Variants in CECR2 observed in about 807,000 individuals in gnomAD.
CECR2 encodes chromatin remodeling regulator CECR2.
In CECR2, 30 loss-of-function variants were observed where a neutral mutation model predicts 154.5. The observed-to-expected ratio is 0.19, with a 90% confidence interval of 0.15 to 0.26. The LOEUF (loss-of-function observed/expected upper bound fraction) is 0.26, where lower values mean the gene tolerates loss of function less well. CECR2 is among the 10% of genes least tolerant of loss of function. The probability of loss-of-function intolerance (pLI) is 1.00; values close to 1 mark genes in which losing one functional copy is unlikely to be tolerated. For missense variants in CECR2, 1,743 were observed against 1,829.3 expected, an observed-to-expected ratio of 0.95 and a Z score of 0.86; for synonymous variants, 725 against 683.7, an observed-to-expected ratio of 1.06 and a Z score of -0.94.
intron 14 of CECR2, 96 bp downstream of exon 14, chr22:17,540,896 AC>A: frequency 1.6e-6 from 2 of 1,287,390 alleles, no homozygotes; most frequent in Non-Finnish European, 2.1e-6. Context: ...CAAAATACTT[AC>A]GTGTATGTAT....
intron 1 of CECR2, among the ~76,000 whole-genome samples, chr22:17,451,467 G>A (rs1027398539): frequency 2.6e-5 from 4 of 152,154 alleles, no homozygotes; most frequent in Non-Finnish European, 5.9e-5. Context: ...GCTAGGACGA[G>A]ATTGCAATCT....
chr22:17,421,397 C>T (rs906851318), intron 1 of CECR2, among the ~76,000 whole-genome samples: 3 of 151,816 alleles, frequency 2.0e-5, no homozygotes, highest in Non-Finnish European at 2.9e-5. Context: ...GGGCGGATCA[C>T]GAGGTCAGGA....
At chr22:17,449,676 C>T (rs9605298) in intron 1 of CECR2, among the ~76,000 whole-genome samples, 4 of 151,342 alleles carry the variant, frequency 2.6e-5, no homozygotes, top group East Asian at 2.0e-4. Context: ...TTTTTAGTGG[C>T]GACGGGGTTT....
intron 1 of CECR2, among the ~76,000 whole-genome samples, chr22:17,375,732 G>A (rs1190737357): frequency 6.6e-6 from 1 of 151,932 alleles, no homozygotes; most frequent in Non-Finnish European, 1.5e-5. Context: ...CGAGGCGGGC[G>A]GATCATGAGG....
intron 1 of CECR2, among the ~76,000 whole-genome samples, chr22:17,429,550 ACAAAAACAAAG>A (rs941549273): frequency 7.1e-6 from 1 of 139,986 alleles, no homozygotes; most frequent in African/African-American, 3.0e-5. Flanking sequence ...AAAAACAAAA[ACAAAAACAAAG>A]AAAAGAAAAG....
intron 1 of CECR2, among the ~76,000 whole-genome samples, chr22:17,442,944 A>T (rs1430025455): frequency 4.6e-5 from 7 of 152,162 alleles, no homozygotes; most frequent in Non-Finnish European, 8.8e-5. Context: ...GGCATTTTGC[A>T]TTTGCAGTTG....
chr22:17,513,363 AC>A (rs2055994294), intron 8 of CECR2, among the ~76,000 whole-genome samples: 1 of 152,208 alleles, frequency 6.6e-6, no homozygotes, highest in Admixed American at 6.5e-5. Context: ...TTGAATTGTT[AC>A]GTTACGGAGC....
intron 1 of CECR2, among the ~76,000 whole-genome samples, chr22:17,424,039 G>T (rs750523781): frequency 2.0e-5 from 3 of 151,978 alleles, no homozygotes; most frequent in Non-Finnish European, 4.4e-5. Flanking sequence ...AGAGCCTATA[G>T]CTCTTGAGAT....
At chr22:17,457,962 T>C (rs2054879615) in intron 1 of CECR2, among the ~76,000 whole-genome samples, 2 of 152,210 alleles carry the variant, frequency 1.3e-5, no homozygotes, top group Non-Finnish European at 2.9e-5. Context: ...AATAACATTA[T>C]AGAGACAGAG....
At chr22:17,432,200 T>C (rs931545945) in intron 1 of CECR2, among the ~76,000 whole-genome samples, 9 of 152,196 alleles carry the variant, frequency 5.9e-5, no homozygotes, top group African/African-American at 2.2e-4. Flanking sequence ...TCTGGACATT[T>C]CCTGTAAGTG....
chr22:17,431,181 G>A (rs1037547952), intron 1 of CECR2, among the ~76,000 whole-genome samples: 7 of 152,140 alleles, frequency 4.6e-5, no homozygotes, highest in African/African-American at 1.7e-4. Flanking sequence ...CATTTAATCA[G>A]GCATTTAATA....
At chr22:17,379,574 C>T (rs569502852) in intron 1 of CECR2, among the ~76,000 whole-genome samples, 3 of 128,654 alleles carry the variant, frequency 2.3e-5, no homozygotes, top group Admixed American at 8.0e-5. Context: ...GTGGGACCTA[C>T]GTTGAAGGTG....
chr22:17,485,489 C>T (rs939020885), intron 2 of CECR2, among the ~76,000 whole-genome samples: 6 of 152,124 alleles, frequency 3.9e-5, no homozygotes, highest in Admixed American at 6.6e-5. Flanking sequence ...AAGTATTGGC[C>T]GGGCGTGGTG....
At chr22:17,415,901 T>C (rs537060120) in intron 1 of CECR2, among the ~76,000 whole-genome samples, 1 of 152,350 alleles carries the variant, frequency 6.6e-6, no homozygotes, top group East Asian at 1.9e-4. Context: ...GCAACACACC[T>C]TTCTCTTAGA....
In CECR2 at chr22:17,529,358, A is replaced by G. The variant is rs117270324; in HGVS notation, c.1108+5087A>G. On this transcript the variant is annotated intron_variant, in intron 9 of 18. Coordinates refer to ENST00000262608, the MANE Select transcript of CECR2 (RefSeq NM_001290047.2). ...GCTGGCTGGGCATGAATTGAGTCCT[A>G]CCAGGTAGCCCAGGGTCGCATTGGG... 7.2e-3 allele frequency among the ~76,000 whole-genome samples: 1,097 copies of G among 152,178 alleles called. 2 individuals are homozygous for G. Among genetic ancestry groups the G allele is most frequent in the Non-Finnish European group, 0.011 (773 of 67,984 alleles).
chr22:17,541,465 A>T (rs1803007759), intron 14 of CECR2, among the ~76,000 whole-genome samples: 1 of 152,210 alleles, frequency 6.6e-6, no homozygotes, highest in Admixed American at 6.5e-5. Context: ...AAAAAAATGT[A>T]ATCTTTATTG....
At chr22:17,374,244 G>C (rs1203976381) in intron 1 of CECR2, among the ~76,000 whole-genome samples, 1 of 152,152 alleles carries the variant, frequency 6.6e-6, no homozygotes, top group East Asian at 1.9e-4. Context: ...CTTCCTGGTT[G>C]TGTTTGTACG....
intron 16 of CECR2, among the ~76,000 whole-genome samples, chr22:17,545,842 CAAAAA>C (rs112121132): frequency 1.1e-5 from 1 of 89,582 alleles, no homozygotes; most frequent in African/African-American, 3.8e-5. Flanking sequence ...GACTCCGTCT[CAAAAA>C]AAAAAAAAAA....
chr22:17,471,955 A>G (rs895838275), intron 1 of CECR2, among the ~76,000 whole-genome samples: 1 of 152,186 alleles, frequency 6.6e-6, no homozygotes, highest in Non-Finnish European at 1.5e-5. Flanking sequence ...TTACACATAT[A>G]TTGGTATAAT....
Sources: allele counts gnomAD v4.1 joint callset (sites outside exome capture counted in the v4.1 genomes callset), GRCh38; gene constraint gnomAD v4.1.1; transcripts MANE v1.5; gene names NCBI Gene and HGNC (gene_info 2026-07-23, HGNC 2026-07-21).